The following LAMTOR4 variants were observed in gnomAD, a reference collection of about 807,000 sequenced individuals.
LAMTOR4 encodes late endosomal/lysosomal adaptor, MAPK and MTOR activator 4.
Under a neutral mutation model 13.5 loss-of-function variants are expected in LAMTOR4, and 11 were observed. The observed-to-expected ratio is 0.82, with a 90% CI of 0.51 to 1.35. The LOEUF (loss-of-function observed/expected upper bound fraction) is 1.35, where lower values mean the gene tolerates loss of function less well. LAMTOR4 is among the 40% of genes most tolerant of loss of function. LAMTOR4 has a pLI of 0.00. For missense variants in LAMTOR4, 128 were observed against 126.2 expected (o/e 1.01, Z -0.07); for synonymous variants, 69 against 52.3 (o/e 1.32, Z -1.38).
intron 2 of LAMTOR4, among the ~76,000 whole-genome samples, chr7:100,151,864 TA>T (rs59063201): frequency 0.49 from 69,543 of 141,552 alleles, 16,784 homozygotes; most frequent in East Asian, 0.6. Flanking sequence ...GCCCAGCCAT[TA>T]AAAAAAAAAA....
At chr7:100,149,762 A>C (rs1798642750) in intron 2 of LAMTOR4, 183 bp downstream of exon 2, 17 of 506,150 alleles carry the variant, frequency 3.4e-5, no homozygotes, top group Non-Finnish European at 5.4e-5. Flanking sequence ...TTAGTCTCCT[A>C]ACGGCTGCGA....
chr7:100,149,606 C>A (rs1427119918), intron 2 of LAMTOR4, 27 bp downstream of exon 2: 1 of 1,563,142 alleles, frequency 6.4e-7, no homozygotes, highest in Non-Finnish European at 8.8e-7. Flanking sequence ...GGAGGGGGTC[C>A]CTTAGTGCAC....
chr7:100,150,174 C>T (rs373034649), intron 2 of LAMTOR4, among the ~76,000 whole-genome samples: 12 of 152,020 alleles, frequency 7.9e-5, no homozygotes, highest in East Asian at 1.9e-4. Flanking sequence ...CACGTCTGGC[C>T]TTTATTTGGT....
At position 100,153,854 on chromosome 7, in the gene LAMTOR4, G is replaced by C. The variant is rs370897145; in HGVS notation, c.203-13G>C. The C allele has an allele frequency of 2.0e-5, 31 of 1,550,638 alleles. No individual in the cohort carries two copies. The Middle Eastern group carries it at 8.3e-4, about 42-fold the overall frequency. On this transcript the variant is annotated splice_polypyrimidine_tract_variant and intron_variant, in intron 3 of 3. Coordinates refer to ENST00000341942, the MANE Select transcript of LAMTOR4 (RefSeq NM_001008395.4). ...CCTCTCCTGGGGCGGGGGAAGGTGT[G>C]TCTCTCCTCCAGTGGTCTTTGGAGA... is the stretch of plus-strand genomic sequence containing the variant.
At chr7:100,151,860 C>T (rs1172735622) in intron 2 of LAMTOR4, among the ~76,000 whole-genome samples, 2 of 111,390 alleles carry the variant, frequency 1.8e-5, no homozygotes, top group Non-Finnish European at 3.9e-5. Flanking sequence ...CCACGCCCAG[C>T]CATTAAAAAA....
chr7:100,153,093 G>A (rs960496082), intron 2 of LAMTOR4, among the ~76,000 whole-genome samples: 4 of 151,448 alleles, frequency 2.6e-5, no homozygotes, highest in Non-Finnish European at 4.4e-5. Context: ...CCGAGAGGCC[G>A]AGATTGCACC....
At position 100,153,852 on chromosome 7, in the gene LAMTOR4, G is replaced by T. The variant is rs1798799684; in HGVS notation, c.203-15G>T. 3.9e-6 allele frequency: 6 copies of T among 1,544,462 alleles called. No individual in the cohort carries two copies. Among genetic ancestry groups the T allele is most frequent in the Admixed American group, 1.9e-5 (1 of 51,384 alleles). On this transcript the variant is annotated splice_polypyrimidine_tract_variant and intron_variant, in intron 3 of 3. Coordinates refer to ENST00000341942, the MANE Select transcript of LAMTOR4 (RefSeq NM_001008395.4). ...TCCCTCTCCTGGGGCGGGGGAAGGT[G>T]TGTCTCTCCTCCAGTGGTCTTTGGA... is the stretch of plus-strand genomic sequence containing the variant.
chr7:100,152,187 A>G (rs1454875700), intron 2 of LAMTOR4, among the ~76,000 whole-genome samples: 1 of 152,136 alleles, frequency 6.6e-6, no homozygotes. Flanking sequence ...AGGTGGGTGG[A>G]TCACTTGAGG....
At chr7:100,151,685 G>A (rs1468759559) in intron 2 of LAMTOR4, among the ~76,000 whole-genome samples, 3 of 151,608 alleles carry the variant, frequency 2.0e-5, no homozygotes, top group South Asian at 2.1e-4. Context: ...ACAGCACCCC[G>A]TCCTGTTTTT....
Position 100,149,508 on chromosome 7 carries a change from C to A in LAMTOR4, c.13C>A (p.Leu5Met), listed in dbSNP as rs200634492. The A allele has an allele frequency of 4.1e-4, 657 of 1,613,196 alleles. No individual in the cohort carries two copies. Among genetic ancestry groups the A allele is most frequent in the Non-Finnish European group, 5.2e-4 (615 of 1,179,312 alleles). The change falls in exon 2 of 4, where the codon CTG becomes ATG. Residue 5 changes from leucine (L) to methionine (M), a missense_variant. Physicochemically the swap from Leu to Met is conservative, Grantham distance 15. Transcript: ENST00000341942. MTSALTQGLERIPDQ... is the reference protein window; with the variant it reads MTSAMTQGLERIPDQ... ...CATCTTTACCCACTAGACTTCTGCGCTGACCCAGGGGCTGGAGCGAATCCC... is the reference window on the plus strand; with the variant it reads ...CATCTTTACCCACTAGACTTCTGCGATGACCCAGGGGCTGGAGCGAATCCC...
rs1421489476 is a variant in LAMTOR4 at position 100,153,448 on chromosome 7, G to C, written c.133G>C (p.Glu45Gln). The C allele has an allele frequency of 6.2e-7, 1 of 1,611,148 alleles. No homozygotes were observed. The highest frequency in any genetic ancestry group is 1.7e-5 in the Admixed American group (1 of 60,020). ...TGAGCAGGCAGCCAGTGCCATCTCTGAGCTGGTCAGCACAGCCTGCGGTTT... is the reference window on the plus strand; with the variant it reads ...TGAGCAGGCAGCCAGTGCCATCTCTCAGCTGGTCAGCACAGCCTGCGGTTT... ...NDEQAASAISELVSTACGFRL... is the reference protein window; with the variant it reads ...NDEQAASAISQLVSTACGFRL... The change falls in exon 3 of 4, where the codon GAG (glutamate) becomes CAG (glutamine). Residue 45 changes from glutamate to glutamine, a missense_variant. Transcript: ENST00000341942.
intron 3 of LAMTOR4, 91 bp from the exon 4 acceptor site, chr7:100,153,776 G>A (rs758350603): frequency 2.0e-5 from 18 of 915,662 alleles, no homozygotes; most frequent in East Asian, 1.1e-4. Context: ...GCCAATGTGC[G>A]TGTGGCCCCG....
At chr7:100,149,358 AG>A in intron 1 of LAMTOR4, 140 bp from the exon 2 acceptor site, 1 of 617,542 alleles carries the variant, frequency 1.6e-6, no homozygotes, top group Non-Finnish European at 3.0e-6. Context: ...TGTAGGGGGG[AG>A]GGGGCCGGGA....
At chr7:100,151,552 C>CA (rs1798703337) in intron 2 of LAMTOR4, among the ~76,000 whole-genome samples, 1 of 151,774 alleles carries the variant, frequency 6.6e-6, no homozygotes, top group Admixed American at 6.6e-5. Context: ...CCATGCCCGG[C>CA]TACTTTTTTG....
intron 2 of LAMTOR4, among the ~76,000 whole-genome samples, chr7:100,150,779 A>T (rs1447352026): frequency 3.3e-5 from 5 of 151,884 alleles, no homozygotes; most frequent in African/African-American, 9.7e-5. Context: ...AGGTCAGGAG[A>T]TCGAGACCAT....
intron 2 of LAMTOR4, among the ~76,000 whole-genome samples, chr7:100,152,491 TTA>T (rs1798735443): frequency 6.6e-6 from 1 of 152,126 alleles, no homozygotes; most frequent in Non-Finnish European, 1.5e-5. Flanking sequence ...TGGCCCAACT[TTA>T]GACATTGAGT....
Position 100,153,502 on chromosome 7 carries a change from T to C in LAMTOR4, c.187T>C (p.Phe63Leu). Residue 63 changes from phenylalanine (F) to leucine (L), a missense_variant, in exon 3 of 4, where the codon TTC (phenylalanine) becomes CTC (leucine). By Grantham distance (22) the Phe-to-Leu change is conservative (BLOSUM62 0). Coordinates refer to ENST00000341942, the MANE Select transcript of LAMTOR4 (RefSeq NM_001008395.4). Reference sequence around the variant, plus strand: ...GCTGCACCGCGGCATGAATGTGCCCTTCAAGCGCCTGTCTGGTGAGCCCCT... The same window carrying C: ...GCTGCACCGCGGCATGAATGTGCCCCTCAAGCGCCTGTCTGGTGAGCCCCT... ...FRLHRGMNVP[F>L]KRLSVVFGEH... 1 of 1,607,326 alleles carries C rather than the reference T, an allele frequency of 6.2e-7. No homozygotes were observed. The highest frequency in any genetic ancestry group is 8.5e-7 in the Non-Finnish European group (1 of 1,179,954).
intron 2 of LAMTOR4, among the ~76,000 whole-genome samples, chr7:100,152,050 T>C (rs1394990860): frequency 6.6e-6 from 1 of 152,088 alleles, no homozygotes; most frequent in Middle Eastern, 3.2e-3. Context: ...TGCTAATGAC[T>C]AGAAATAGGT....
chr7:100,150,563 C>T (rs1159711002), intron 2 of LAMTOR4, among the ~76,000 whole-genome samples: 1 of 152,188 alleles, frequency 6.6e-6, no homozygotes, highest in Admixed American at 6.5e-5. Context: ...GCCAGGTTAA[C>T]ACACTTGAAC....
Sources: allele counts gnomAD v4.1 joint callset (sites outside exome capture counted in the v4.1 genomes callset), GRCh38; gene constraint gnomAD v4.1.1; transcripts MANE v1.5; gene names NCBI Gene and HGNC (gene_info 2026-07-23, HGNC 2026-07-21).